Variants in LRRTM4 observed in about 807,000 individuals in gnomAD.
The protein encoded by LRRTM4 is leucine rich repeat transmembrane neuronal 4.
Under a neutral mutation model 47.6 loss-of-function variants are expected in LRRTM4, and 25 were observed. The observed-to-expected ratio is 0.53, with a 90% CI of 0.38 to 0.73. The LOEUF is 0.73. LRRTM4 is among the 30% of genes least tolerant of loss of function. LRRTM4 has a pLI of 0.00. For synonymous variants in LRRTM4, 311 were observed against 269.5 expected (o/e 1.15, Z -1.51); for missense variants, 638 against 713.4 (o/e 0.89, Z 1.20).
intron 3 of LRRTM4, among the ~76,000 whole-genome samples, chr2:76,803,856 C>G (rs34271522): frequency 0.019 from 2,859 of 152,212 alleles, 51 homozygotes; most frequent in Non-Finnish European, 0.031. Context: ...TGCCAAAAAC[C>G]TGATTTTCCT....
At chr2:77,039,174 C>T (rs1678943400) in intron 3 of LRRTM4, among the ~76,000 whole-genome samples, 2 of 151,164 alleles carry the variant, frequency 1.3e-5, no homozygotes. Context: ...ACAGATCTGT[C>T]ATCTTATAAA....
intron 3 of LRRTM4, among the ~76,000 whole-genome samples, chr2:77,298,403 A>C (rs985770539): frequency 6.6e-6 from 1 of 151,990 alleles, no homozygotes; most frequent in Admixed American, 6.6e-5. Flanking sequence ...CGCCCGGCTA[A>C]TTTTTTGTAT....
At chr2:76,946,184 TCA>T (rs911659802) in intron 3 of LRRTM4, among the ~76,000 whole-genome samples, 19 of 151,944 alleles carry the variant, frequency 1.3e-4, no homozygotes, top group African/African-American at 3.9e-4. Flanking sequence ...TTCAAGGAAA[TCA>T]CAGTCCTAAT....
At chr2:77,159,370 C>T (rs79243451) in intron 3 of LRRTM4, among the ~76,000 whole-genome samples, 3 of 151,792 alleles carry the variant, frequency 2.0e-5, no homozygotes, top group East Asian at 1.9e-4. Flanking sequence ...TTAAGAAAAT[C>T]GTTGGTTGGG....
chr2:76,800,010 G>C (rs1226329302), intron 3 of LRRTM4, among the ~76,000 whole-genome samples: 1 of 151,774 alleles, frequency 6.6e-6, no homozygotes, highest in Non-Finnish European at 1.5e-5. Flanking sequence ...TCAATATCGT[G>C]AAAATGGTCA....
intron 3 of LRRTM4, among the ~76,000 whole-genome samples, chr2:77,186,232 G>C (rs756653221): frequency 1.3e-5 from 2 of 152,072 alleles, no homozygotes; most frequent in Non-Finnish European, 2.9e-5. Context: ...CAATCTTTCT[G>C]CTCTTTGATG....
intron 3 of LRRTM4, among the ~76,000 whole-genome samples, chr2:77,140,115 A>G (rs62159124): frequency 0.011 from 1,702 of 152,254 alleles, 19 homozygotes; most frequent in Middle Eastern, 0.031. Flanking sequence ...GCAGAATTGG[A>G]AAAAGCTACT....
intron 3 of LRRTM4, among the ~76,000 whole-genome samples, chr2:77,103,689 T>C (rs1274966668): frequency 6.5e-5 from 9 of 139,320 alleles, no homozygotes; most frequent in Non-Finnish European, 1.4e-4. Flanking sequence ...TATATGTATA[T>C]ATACATAGGC....
chr2:76,984,104 T>A (rs1314214815), intron 3 of LRRTM4, among the ~76,000 whole-genome samples: 2 of 152,120 alleles, frequency 1.3e-5, no homozygotes, highest in East Asian at 3.9e-4. Context: ...TAATGAAACT[T>A]GTATGTTAAA....
At chr2:76,751,608 T>C (rs547190796) in intron 3 of LRRTM4, among the ~76,000 whole-genome samples, 22 of 152,214 alleles carry the variant, frequency 1.4e-4, no homozygotes, top group African/African-American at 5.3e-4. Flanking sequence ...TCTATTGTTT[T>C]GTTTTGTTTT....
At chr2:76,964,041 C>A (rs1440578060) in intron 3 of LRRTM4, among the ~76,000 whole-genome samples, 1 of 150,602 alleles carries the variant, frequency 6.6e-6, no homozygotes, top group African/African-American at 2.4e-5. Flanking sequence ...TTTAATAAGA[C>A]AAATAACTTT....
At chr2:77,128,559 T>C (rs998565962) in intron 3 of LRRTM4, among the ~76,000 whole-genome samples, 1 of 152,214 alleles carries the variant, frequency 6.6e-6, no homozygotes, top group Non-Finnish European at 1.5e-5. Flanking sequence ...CTAGTAAAAC[T>C]ATACAAAATC....
intron 3 of LRRTM4, among the ~76,000 whole-genome samples, chr2:76,874,952 T>C (rs1206865164): frequency 6.6e-6 from 1 of 151,370 alleles, no homozygotes; most frequent in Non-Finnish European, 1.5e-5. Flanking sequence ...TTTAAATTTC[T>C]TTATTTCTTA....
intron 3 of LRRTM4, among the ~76,000 whole-genome samples, chr2:77,149,235 C>CT (rs1367864704): frequency 6.6e-6 from 1 of 151,770 alleles, no homozygotes; most frequent in Non-Finnish European, 1.5e-5. Context: ...TCTCAATGAC[C>CT]TTTTTTACCA....
chr2:76,777,394 T>TAA (rs1674082110), intron 3 of LRRTM4, among the ~76,000 whole-genome samples: 1 of 145,288 alleles, frequency 6.9e-6, no homozygotes, highest in East Asian at 2.2e-4. Flanking sequence ...CCCATGAGCA[T>TAA]GGAATGTTCT....
At chr2:76,790,626 C>T (rs1159617296) in intron 3 of LRRTM4, among the ~76,000 whole-genome samples, 1 of 152,052 alleles carries the variant, frequency 6.6e-6, no homozygotes, top group African/African-American at 2.4e-5. Flanking sequence ...ATTCCCATTG[C>T]TATTTCTCGT....
intron 3 of LRRTM4, among the ~76,000 whole-genome samples, chr2:77,295,230 A>T (rs1475407304): frequency 2.0e-5 from 3 of 152,102 alleles, no homozygotes; most frequent in Admixed American, 2.0e-4. Flanking sequence ...TTAAGAACAC[A>T]CCTACAGTAC....
intron 3 of LRRTM4, among the ~76,000 whole-genome samples, chr2:76,954,910 TG>T (rs951597218): frequency 6.6e-6 from 1 of 151,636 alleles, no homozygotes; most frequent in Non-Finnish European, 1.5e-5. Flanking sequence ...GTAAAAGTGC[TG>T]GGGACAAAAC....
intron 3 of LRRTM4, among the ~76,000 whole-genome samples, chr2:77,313,578 C>A (rs1018311395): frequency 1.3e-5 from 2 of 152,160 alleles, no homozygotes; most frequent in African/African-American, 4.8e-5. Flanking sequence ...CATCCCAGCA[C>A]CCCTGAGCAC....
Sources: allele counts gnomAD v4.1 joint callset (sites outside exome capture counted in the v4.1 genomes callset), GRCh38; gene constraint gnomAD v4.1.1; transcripts MANE v1.5; gene names NCBI Gene and HGNC (gene_info 2026-07-23, HGNC 2026-07-21).